WASHC2C: variants seen among roughly 807,000 people sequenced by gnomAD.
WASHC2C encodes WASH complex subunit 2C, also known as Vaccinia Penetration Factor.
A neutral mutation model predicts 142.2 loss-of-function variants in WASHC2C; 73 were observed. That is an observed-to-expected ratio of 0.51 (90% CI 0.43 to 0.62). The LOEUF (loss-of-function observed/expected upper bound fraction) is 0.62, where lower values mean the gene tolerates loss of function less well. Among genes scored for constraint, WASHC2C ranks in the 20% least tolerant of loss-of-function variants. WASHC2C has a pLI of 0.00. For missense variants in WASHC2C, 969 were observed against 1,531.7 expected (o/e 0.63, Z 6.13); for synonymous variants, 337 against 565.5 (o/e 0.60, Z 5.73).
Position 45,792,365 on chromosome 10 carries a change from T to G in WASHC2C, c.3991T>G (p.Phe1331Val). Residue 1331 changes from phenylalanine to valine, a missense_variant, in exon 31 of 31, where the codon TTT (phenylalanine) becomes GTT (valine). Coordinates refer to ENST00000623400, the MANE Select transcript of WASHC2C (RefSeq NM_001330074.2). ...ATTTGAACACAAGGTGTCCAACATCTTTGATGATCCCCTGAATGCCTTTGG... is the reference window on the plus strand; with the variant it reads ...ATTTGAACACAAGGTGTCCAACATCGTTGATGATCCCCTGAATGCCTTTGG... The part of the protein sequence containing the change: ...PRFEHKVSNI[F>V]DDPLNAFGGQ The G allele has an allele frequency of 6.4e-7, 1 of 1,565,370 alleles. No individual in the cohort carries two copies. The highest frequency in any genetic ancestry group is 1.1e-5 in the South Asian group (1 of 88,678).
intron 3 of WASHC2C, among the ~76,000 whole-genome samples, chr10:45,732,211 G>A (rs2050693367): frequency 6.6e-6 from 1 of 152,188 alleles, no homozygotes; most frequent in Non-Finnish European, 1.5e-5. Flanking sequence ...AACATTCAAA[G>A]TCAGATAGGT....
intron 26 of WASHC2C, chr10:45,786,096 G>A (rs2058021040): frequency 3.4e-6 from 1 of 292,778 alleles, no homozygotes; most frequent in Non-Finnish European, 6.5e-6. Flanking sequence ...AACAGCCCAG[G>A]ACTGGAGAGC....
At chr10:45,782,618 C>A (rs1554888368) in intron 23 of WASHC2C, among the ~76,000 whole-genome samples, 1 of 151,840 alleles carries the variant, frequency 6.6e-6, no homozygotes, top group East Asian at 1.9e-4. Context: ...GGGTACATAT[C>A]CAAGAGAAAT....
intron 4 of WASHC2C, among the ~76,000 whole-genome samples, chr10:45,738,772 T>C (rs1421330984): frequency 6.6e-6 from 1 of 152,210 alleles, no homozygotes; most frequent in Non-Finnish European, 1.5e-5. Context: ...TGGCACGATA[T>C]CAGCTCACTG....
In WASHC2C at chr10:45,784,252, G is replaced by A. The variant is rs868994419; in HGVS notation, c.2479-313G>A. On this transcript the variant is annotated intron_variant, in intron 23 of 30. Transcript: ENST00000623400. Reference sequence around the variant, plus strand: ...CATATATATATATATGTGTGTGTGTGTATATATATATATATATATATATAT... The same window carrying A: ...CATATATATATATATGTGTGTGTGTATATATATATATATATATATATATAT... Among the ~76,000 whole-genome samples the A allele has an allele frequency of 8.0e-3, 325 of 40,558 alleles. 1 individual carries two copies. Among genetic ancestry groups the A allele is most frequent in the African/African-American group, 0.02 (255 of 12,842 alleles). The allele number at this position is 40,558 out of a possible 152,430, so 26.6% of individuals were successfully genotyped here. A position where few individuals can be genotyped will look rare whatever the true frequency, so the allele number is the denominator to read the frequency against.
chr10:45,790,286 G>C (rs1310555834), intron 29 of WASHC2C, 70 bp from the exon 30 acceptor site: 3 of 1,607,448 alleles, frequency 1.9e-6, no homozygotes, highest in Admixed American at 1.7e-5. Context: ...TCCATAGCTT[G>C]TTGACGTGTT....
At chr10:45,761,285 A>G (rs1269858233) in intron 17 of WASHC2C, among the ~76,000 whole-genome samples, 2 of 152,124 alleles carry the variant, frequency 1.3e-5, no homozygotes, top group Non-Finnish European at 2.9e-5. Flanking sequence ...TCAGGGCTGT[A>G]GGGGAGAGTC....
chr10:45,787,488 C>T (rs1361720615), intron 28 of WASHC2C, among the ~76,000 whole-genome samples: 1 of 149,286 alleles, frequency 6.7e-6, no homozygotes. Flanking sequence ...AACGTCTCAC[C>T]ACTTTGGCTG....
chr10:45,788,671 T>TAAGTACTCC (rs1230421108), intron 28 of WASHC2C, among the ~76,000 whole-genome samples, 200 bp from the exon 29 acceptor site: 1 of 152,182 alleles, frequency 6.6e-6, no homozygotes, highest in Non-Finnish European at 1.5e-5. Context: ...TAAGAATGAC[T>TAAGTACTCC]TAGTCTTGGA....
intron 11 of WASHC2C, among the ~76,000 whole-genome samples, chr10:45,751,843 G>C (rs1280520077): frequency 6.6e-6 from 1 of 152,162 alleles, no homozygotes; most frequent in Non-Finnish European, 1.5e-5. Flanking sequence ...TTGGCATGGT[G>C]GTGGGTGCCT....
chr10:45,751,411 C>T (rs1278753382), intron 10 of WASHC2C, 71 bp from the exon 11 acceptor site: 12 of 733,518 alleles, frequency 1.6e-5, no homozygotes, highest in Non-Finnish European at 2.4e-5. Flanking sequence ...GGATGACAGA[C>T]GTGGAAAGAA....
chr10:45,758,999 A>C (rs1436151579), intron 16 of WASHC2C, among the ~76,000 whole-genome samples: 97 of 149,090 alleles, frequency 6.5e-4, no homozygotes, highest in Admixed American at 1.2e-3. Context: ...CCTGCCGACC[A>C]CCTAAGGCCC....
chr10:45,741,317 A>G (rs2052018045), intron 5 of WASHC2C, among the ~76,000 whole-genome samples: 1 of 152,146 alleles, frequency 6.6e-6, no homozygotes, highest in Non-Finnish European at 1.5e-5. Context: ...GAGTCACACC[A>G]AATTGAGGCA....
chr10:45,790,683 A>G (rs1201095845), intron 30 of WASHC2C, 150 bp downstream of exon 30: 4 of 729,344 alleles, frequency 5.5e-6, no homozygotes, highest in East Asian at 2.7e-5. Flanking sequence ...AAGATAGGTA[A>G]GAGATGGACT....
intron 5 of WASHC2C, among the ~76,000 whole-genome samples, chr10:45,741,460 CT>C (rs1414820462): frequency 0.016 from 2,398 of 147,958 alleles, 72 homozygotes; most frequent in African/African-American, 0.055. Context: ...CACTTTCTCC[CT>C]TTTTTTTTTC....
chr10:45,734,516 GTTA>G (rs1359882676), intron 3 of WASHC2C, among the ~76,000 whole-genome samples: 2 of 151,222 alleles, frequency 1.3e-5, no homozygotes, highest in African/African-American at 4.9e-5. Context: ...AATATTAAAT[GTTA>G]TTTATGAAAT....
chr10:45,791,619 A>G (rs2058399412), intron 30 of WASHC2C, among the ~76,000 whole-genome samples: 2 of 145,774 alleles, frequency 1.4e-5, no homozygotes, highest in Non-Finnish European at 3.1e-5. Context: ...GGCAATCTCG[A>G]TTGTTTCTGT....
chr10:45,735,009 G>A (rs1283199056), intron 3 of WASHC2C, among the ~76,000 whole-genome samples: 4 of 151,934 alleles, frequency 2.6e-5, no homozygotes, highest in Admixed American at 1.3e-4. Flanking sequence ...GTGTGTTTAT[G>A]TGAAAATAAA....
chr10:45,783,449 T>C (rs575661938), intron 23 of WASHC2C, among the ~76,000 whole-genome samples: 107 of 152,316 alleles, frequency 7.0e-4, no homozygotes, highest in African/African-American at 2.3e-3. Flanking sequence ...ATTAGTTTTT[T>C]TGGTTTTTTT....
Sources: allele counts gnomAD v4.1 joint callset (sites outside exome capture counted in the v4.1 genomes callset), GRCh38; gene constraint gnomAD v4.1.1; transcripts MANE v1.5; gene names NCBI Gene and HGNC (gene_info 2026-07-23, HGNC 2026-07-21).